ZNF141: variants seen among roughly 807,000 people sequenced by gnomAD.
ZNF141 encodes the protein zinc finger protein 141 (clone pHZ-44).
ZNF141 carries 7 observed loss-of-function variants against 11.3 expected under a neutral mutation model. The observed-to-expected ratio is 0.62, with a 90% CI of 0.35 to 1.16. The LOEUF is 1.16. Among genes scored for constraint, ZNF141 ranks in the 50% most tolerant of loss-of-function variants. ZNF141 has a pLI of 0.02. For synonymous variants in ZNF141, 183 were observed against 190.7 expected (o/e 0.96, Z 0.33); for missense variants, 535 against 554.0 (o/e 0.97, Z 0.34).
chr4:372,250 G>T (rs1258058037), intron 3 of ZNF141, among the ~76,000 whole-genome samples: 1 of 152,174 alleles, frequency 6.6e-6, no homozygotes. Context: ...CAGAAACCAG[G>T]TTTTGTAAAG....
At position 382,195 on chromosome 4, in the gene ZNF141, C is replaced by T. The variant is rs1166890055; in HGVS notation, c.*8333C>T. Among the ~76,000 whole-genome samples the T allele has an allele frequency of 2.0e-5, 3 of 151,798 alleles. No individual in the cohort carries two copies. The highest frequency in any genetic ancestry group is 2.9e-5 in the Non-Finnish European group (2 of 67,972). On this transcript the variant is annotated 3_prime_UTR_variant, in exon 4 of 4. Transcript: ENST00000240499. ...TTTCCTGACCTCGTGATCCGCCTGC[C>T]TCAGCCTACCAAAGTGCTGGGATTA...
chr4:359,312 A>G (rs782198760), intron 3 of ZNF141, among the ~76,000 whole-genome samples: 4 of 152,156 alleles, frequency 2.6e-5, no homozygotes, highest in Non-Finnish European at 4.4e-5. Flanking sequence ...AAAAAAACCC[A>G]GTTAATATCT....
rs34889799 is a variant in ZNF141 at position 380,660 on chromosome 4, CA to C, written c.*6809del. On this transcript the variant is annotated 3_prime_UTR_variant, in exon 4 of 4. Coordinates refer to ENST00000240499, the MANE Select transcript of ZNF141 (RefSeq NM_003441.4). ...AGAGCAAAACTCCATCCCCCCTGCC[CA>C]AAAAAAAAAATTAATTTTCACAGAA... Among the ~76,000 whole-genome samples the C allele has an allele frequency of 0.49, 72,539 of 146,854 alleles. 19,491 individuals are homozygous for C. The highest frequency in any genetic ancestry group is 0.75 in the African/African-American group (30,308 of 40,430).
intron 3 of ZNF141, among the ~76,000 whole-genome samples, chr4:370,019 C>T (rs1265174463): frequency 1.3e-5 from 2 of 151,614 alleles, no homozygotes. Flanking sequence ...CCTGCCTCAG[C>T]CGCTCAAAGT....
intron 3 of ZNF141, among the ~76,000 whole-genome samples, chr4:370,496 T>G (rs1449266964): frequency 6.6e-6 from 1 of 152,194 alleles, no homozygotes; most frequent in African/African-American, 2.4e-5. Flanking sequence ...CTGGTTATAT[T>G]ATTCCTACTT....
At chr4:362,735 A>G (rs1581612458) in intron 3 of ZNF141, among the ~76,000 whole-genome samples, 2 of 152,220 alleles carry the variant, frequency 1.3e-5, no homozygotes, top group South Asian at 2.1e-4. Flanking sequence ...CCATTGGTCT[A>G]TATCTCTGTT....
chr4:338,103 G>A (rs2108677591), intron 1 of ZNF141, 117 bp downstream of exon 1: 1 of 1,425,098 alleles, frequency 7.0e-7, no homozygotes, highest in Non-Finnish European at 9.7e-7. Flanking sequence ...CAGCCCTGGG[G>A]CCTCAGTACC....
At position 378,566 on chromosome 4, in the gene ZNF141, C is replaced by T. The variant is rs1214318326; in HGVS notation, c.*4704C>T. ...TACAGGCATGAGCCACCGTGCCTGG[C>T]CAGAATATTATATCTTTGAGTGTGA... On this transcript the variant is annotated 3_prime_UTR_variant, in exon 4 of 4. Transcript: ENST00000240499. Among the ~76,000 whole-genome samples the T allele has an allele frequency of 6.6e-6, 1 of 152,054 alleles. No individual in the cohort carries two copies. Among genetic ancestry groups the T allele is most frequent in the Non-Finnish European group, 1.5e-5 (1 of 68,030 alleles).
At chr4:360,867 C>T (rs1274316175) in intron 3 of ZNF141, among the ~76,000 whole-genome samples, 2 of 151,980 alleles carry the variant, frequency 1.3e-5, no homozygotes, top group African/African-American at 2.4e-5. Context: ...TGGTATTTGC[C>T]TGTATAAATA....
chr4:377,098 TTTTAA>T lies in ZNF141; in HGVS notation c.*3242_*3246del, dbSNP rs1171675288. On this transcript the variant is annotated 3_prime_UTR_variant, in exon 4 of 4. Coordinates refer to ENST00000240499, the MANE Select transcript of ZNF141 (RefSeq NM_003441.4). ...TTAGTTAGAACATTTCATTTTGTTG[TTTTAA>T]TTTAAGAACCCTATATAAGCTGTTT... Among the ~76,000 whole-genome samples, 45 of 152,312 alleles carry T rather than the reference TTTTAA, an allele frequency of 3.0e-4. No homozygotes were observed. Among genetic ancestry groups the T allele is most frequent in the African/African-American group, 9.4e-4 (39 of 41,588 alleles).
At chr4:369,085 A>G (rs1159687949) in intron 3 of ZNF141, among the ~76,000 whole-genome samples, 1 of 152,062 alleles carries the variant, frequency 6.6e-6, no homozygotes, top group Admixed American at 6.6e-5. Context: ...TCCTACTACA[A>G]TTACATTGCT....
chr4:369,764 A>ATATATATATTTTTTTT, intron 3 of ZNF141, among the ~76,000 whole-genome samples: 4 of 48,720 alleles, frequency 8.2e-5, no homozygotes, highest in African/African-American at 5.1e-4. Flanking sequence ...ATATATATAT[A>ATATATATATTTTTTTT]TTTTTTTTTT....
At chr4:345,872 C>A (rs1380472960) in intron 3 of ZNF141, among the ~76,000 whole-genome samples, 4 of 152,026 alleles carry the variant, frequency 2.6e-5, no homozygotes, top group Non-Finnish European at 4.4e-5. Context: ...TTCTTAAATG[C>A]ACTGTATCAT....
rs187304104 is a variant in ZNF141 at position 349,773 on chromosome 4, A to G, written c.226+5343A>G. Among the ~76,000 whole-genome samples, 138 of 152,222 alleles carry G rather than the reference A, an allele frequency of 9.1e-4. 1 individual carries two copies. Among genetic ancestry groups the G allele is most frequent in the Non-Finnish European group, 1.5e-3 (105 of 68,024 alleles). On this transcript the variant is annotated intron_variant, in intron 3 of 3. Coordinates refer to ENST00000240499, the MANE Select transcript of ZNF141 (RefSeq NM_003441.4). ...CCAGAGATTTGGACAGTCATGGATT[A>G]TTTCTGGGCCCTGGAGAGATTAGAT...
In ZNF141 at chr4:377,384, G is replaced by T. The variant is rs782494211; in HGVS notation, c.*3522G>T. 6.6e-6 allele frequency among the ~76,000 whole-genome samples: 1 copy of T among 152,190 alleles called. No individual in the cohort carries two copies. Among genetic ancestry groups the T allele is most frequent in the Non-Finnish European group, 1.5e-5 (1 of 68,044 alleles). ...AACAAATGGCATTAATTGTGCATGT[G>T]GAGAGGACGTCTGTTCTCAGGCTGC... is the stretch of plus-strand genomic sequence containing the variant. On this transcript the variant is annotated 3_prime_UTR_variant, in exon 4 of 4. Transcript: ENST00000240499.
At chr4:352,266 A>G (rs1553850567) in intron 3 of ZNF141, among the ~76,000 whole-genome samples, 2 of 152,192 alleles carry the variant, frequency 1.3e-5, no homozygotes, top group Non-Finnish European at 2.9e-5. Context: ...GGGCACCTGT[A>G]GTCCCAGCTA....
intron 3 of ZNF141, among the ~76,000 whole-genome samples, chr4:346,891 A>ACCC (rs1227407362): frequency 5.0e-5 from 6 of 120,084 alleles, no homozygotes; most frequent in African/African-American, 1.5e-4. Context: ...ACACACACAC[A>ACCC]CACCGCCCCC....
At chr4:367,535 G>A (rs1157897158) in intron 3 of ZNF141, among the ~76,000 whole-genome samples, 1 of 75,672 alleles carries the variant, frequency 1.3e-5, no homozygotes, top group African/African-American at 4.7e-5. Flanking sequence ...TTTTTTTTTT[G>A]ATGTGGAGTC....
At chr4:357,707 C>CTTTTTTTTTTTTTTT (rs572493320) in intron 3 of ZNF141, among the ~76,000 whole-genome samples, 3 of 132,586 alleles carry the variant, frequency 2.3e-5, no homozygotes, top group Non-Finnish European at 4.9e-5. Flanking sequence ...TTTCTTTTTT[C>CTTTTTTTTTTTTTTT]TTTTTTTTTT....
Sources: allele counts gnomAD v4.1 joint callset (sites outside exome capture counted in the v4.1 genomes callset), GRCh38; gene constraint gnomAD v4.1.1; transcripts MANE v1.5; gene names NCBI Gene and HGNC (gene_info 2026-07-23, HGNC 2026-07-21).